Variants in SIN3A observed in about 807,000 individuals in gnomAD.
The protein encoded by SIN3A is paired amphipathic helix protein Sin3a.
In SIN3A, 14 loss-of-function variants were observed where a neutral mutation model predicts 146.1. That is an observed-to-expected ratio of 0.10 (90% CI 0.06 to 0.15). The LOEUF is 0.15. Ranked by LOEUF, SIN3A falls within the 10% of genes least tolerant of loss-of-function variation. The pLI is 1.00. For missense variants in SIN3A, 1,028 were observed against 1,576.0 expected (o/e 0.65, Z 5.89); for synonymous variants, 572 against 572.0 (o/e 1.00, Z 0.00).
At chr15:75,413,556 T>G (rs1266428456) in intron 4 of SIN3A, among the ~76,000 whole-genome samples, 1 of 151,906 alleles carries the variant, frequency 6.6e-6, no homozygotes, top group Non-Finnish European at 1.5e-5. Flanking sequence ...TGTTTTTTTT[T>G]TTTTTGAGAC....
At chr15:75,416,313 A>G (rs1262789675) in intron 3 of SIN3A, among the ~76,000 whole-genome samples, 1 of 152,038 alleles carries the variant, frequency 6.6e-6, no homozygotes. Context: ...TATAGAAGAA[A>G]TTCCCTGACT....
At chr15:75,385,637 C>A (rs1404807221) in intron 16 of SIN3A, among the ~76,000 whole-genome samples, 1 of 152,218 alleles carries the variant, frequency 6.6e-6, no homozygotes, top group Non-Finnish European at 1.5e-5. Flanking sequence ...ATTGATTTGT[C>A]TGTTTAAAAA....
intron 17 of SIN3A, among the ~76,000 whole-genome samples, chr15:75,381,955 TAATC>T (rs747633176): frequency 2.0e-5 from 3 of 152,180 alleles, no homozygotes; most frequent in African/African-American, 7.2e-5. Context: ...GCTAAAATAA[TAATC>T]AATGTCAGTA....
chr15:75,441,296 T>C (rs1426197288), intron 1 of SIN3A, among the ~76,000 whole-genome samples: 1 of 151,720 alleles, frequency 6.6e-6, no homozygotes, highest in Non-Finnish European at 1.5e-5. Context: ...AGAGCCAGAC[T>C]CCGTCTCAAA....
chr15:75,443,218 A>T (rs567725064), intron 1 of SIN3A, among the ~76,000 whole-genome samples: 88 of 152,330 alleles, frequency 5.8e-4, no homozygotes, highest in Non-Finnish European at 9.1e-4. Flanking sequence ...TTCCTCTGAA[A>T]TGTCTTCTGT....
At chr15:75,393,964 C>T (rs748361584) in intron 14 of SIN3A, among the ~76,000 whole-genome samples, 2 of 152,064 alleles carry the variant, frequency 1.3e-5, no homozygotes, top group African/African-American at 4.8e-5. Context: ...CACACCACCA[C>T]GCCTGGCTAA....
chr15:75,382,892 G>A (rs1013659759), intron 17 of SIN3A, among the ~76,000 whole-genome samples: 1 of 152,120 alleles, frequency 6.6e-6, no homozygotes, highest in African/African-American at 2.4e-5. Flanking sequence ...AGACCAGCCT[G>A]ACCAACATGG....
Position 75,392,727 on chromosome 15 carries a change from T to A in SIN3A, c.2366A>T (p.Asp789Val). The A allele has an allele frequency of 6.2e-7, 1 of 1,614,200 alleles. No homozygotes were observed. Among genetic ancestry groups the A allele is most frequent in the Non-Finnish European group, 8.5e-7 (1 of 1,180,034 alleles). ...ATGGTGGATAATCAGAGCAGCAGCA[T>A]CTTCCAGTATTTGTTTGTCTTCATA... ...LAYEDKQILE[D>V]AAALIIHHVK... is the part of the protein sequence containing the mutation. The change falls in exon 15 of 21, where the codon GAT becomes GTT. Residue 789 changes from aspartate (D) to valine (V), a missense_variant. Physicochemically the swap from Asp to Val is radical, Grantham distance 152. Coordinates refer to ENST00000394947, the MANE Select transcript of SIN3A (RefSeq NM_001145358.2).
chr15:75,451,120 T>C (rs1345388125), intron 1 of SIN3A, among the ~76,000 whole-genome samples: 2 of 139,690 alleles, frequency 1.4e-5, no homozygotes, highest in African/African-American at 2.7e-5. Flanking sequence ...CAAACTGCAC[T>C]CAGCGCGAAG....
intron 16 of SIN3A, among the ~76,000 whole-genome samples, chr15:75,385,724 T>C (rs1486292365): frequency 1.3e-5 from 2 of 152,228 alleles, no homozygotes; most frequent in African/African-American, 4.8e-5. Context: ...GGAACCATGA[T>C]AACTATTTAT....
At chr15:75,381,587 G>A (rs1349098960) in intron 18 of SIN3A, 26 bp downstream of exon 18, 7 of 1,563,634 alleles carry the variant, frequency 4.5e-6, no homozygotes, top group Non-Finnish European at 6.2e-6. Flanking sequence ...CTTGGCACCT[G>A]GGGTCTGTGA....
chr15:75,417,797 C>T (rs889401822), intron 3 of SIN3A, among the ~76,000 whole-genome samples: 1 of 152,070 alleles, frequency 6.6e-6, no homozygotes, highest in Non-Finnish European at 1.5e-5. Flanking sequence ...ACTTAATCAC[C>T]GATATGATGA....
intron 1 of SIN3A, among the ~76,000 whole-genome samples, chr15:75,431,646 A>C (rs1323060966): frequency 7.8e-6 from 1 of 128,196 alleles, no homozygotes; most frequent in Non-Finnish European, 1.6e-5. Flanking sequence ...AAATACGGTT[A>C]AGTTAAAAAA....
chr15:75,387,337 C>A (rs920248959), intron 16 of SIN3A, among the ~76,000 whole-genome samples: 1 of 151,872 alleles, frequency 6.6e-6, no homozygotes, highest in Non-Finnish European at 1.5e-5. Context: ...CCAGCCTGGA[C>A]AACATGGCAA....
upstream of SIN3A, among the ~76,000 whole-genome samples, chr15:75,452,421 T>G (rs563930063): frequency 6.6e-6 from 1 of 152,200 alleles, no homozygotes; most frequent in Non-Finnish European, 1.5e-5. Flanking sequence ...CAGCCCACCA[T>G]GGAGGACTCC....
At chr15:75,422,899 C>G in intron 2 of SIN3A, 76 bp from the exon 3 acceptor site, 3 of 1,431,868 alleles carry the variant, frequency 2.1e-6, no homozygotes, top group Non-Finnish European at 2.9e-6. Context: ...ATAACTAACA[C>G]AAATGCACAA....
rs397946961 is a variant in SIN3A at position 75,415,854 on chromosome 15, GAAAAAA to G, written c.367-1549_367-1544del. On this transcript the variant is annotated intron_variant, in intron 3 of 20. Transcript: ENST00000394947. The stretch of plus-strand genomic sequence containing the variant: ...CAACAAGAGTGAAACTCGGTCTCAG[GAAAAAA>G]AAAAAAAAAAAAAAAGTCCCCTGCA... 2.6e-4 allele frequency: 25 copies of G among 96,254 alleles called. No homozygotes were observed. In the South Asian group the frequency reaches 5.4e-3, roughly 21 times the overall value. 6.0% of individuals were successfully genotyped at this position (96,254 alleles called of 1,614,324 possible). A position where few individuals can be genotyped will look rare whatever the true frequency, so the allele number is the denominator to read the frequency against.
chr15:75,419,787 T>G (rs577053755), intron 3 of SIN3A: 13 of 152,222 alleles, frequency 8.5e-5, no homozygotes, highest in African/African-American at 2.4e-4. Context: ...ATGGCGCCAC[T>G]GCACTACAGC....
At chr15:75,448,600 A>G (rs1335686550) in intron 1 of SIN3A, among the ~76,000 whole-genome samples, 1 of 152,230 alleles carries the variant, frequency 6.6e-6, no homozygotes, top group Non-Finnish European at 1.5e-5. Flanking sequence ...TATTTTGAAA[A>G]AGCATATACT....
Sources: gnomAD v4.1 joint callset for allele counts (sites outside exome capture counted in the v4.1 genomes callset) on GRCh38, gnomAD v4.1.1 for gene constraint, MANE v1.5 for transcripts, NCBI Gene and HGNC (gene_info 2026-07-23, HGNC 2026-07-21) for gene names.